The following SPOCK3 variants were observed in gnomAD, a reference collection of about 807,000 sequenced individuals.
SPOCK3 encodes the protein testican-3.
A neutral mutation model predicts 56.6 loss-of-function variants in SPOCK3; 30 were observed. The ratio of observed to expected loss-of-function variants is 0.53; its 90% CI spans 0.40 to 0.72. The LOEUF (loss-of-function observed/expected upper bound fraction) is 0.72, where lower values mean the gene tolerates loss of function less well. Among genes scored for constraint, SPOCK3 ranks in the 30% least tolerant of loss-of-function variants. The pLI is 0.00. For synonymous variants in SPOCK3, 196 were observed against 183.3 expected (o/e 1.07, Z -0.56); for missense variants, 527 against 530.0 (o/e 0.99, Z 0.06).
intron 9 of SPOCK3, among the ~76,000 whole-genome samples, chr4:166,740,358 A>G (rs909211968): frequency 6.6e-6 from 1 of 151,958 alleles, no homozygotes; most frequent in Non-Finnish European, 1.5e-5. Flanking sequence ...ACCTTCAAAT[A>G]ATAAAAACCT....
intron 4 of SPOCK3, among the ~76,000 whole-genome samples, chr4:166,956,578 A>T (rs1245714942): frequency 6.6e-6 from 1 of 152,166 alleles, no homozygotes; most frequent in East Asian, 1.9e-4. Flanking sequence ...ACACTTATAA[A>T]TTGTTTATTT....
At chr4:167,223,136 TATTTTATATATG>T (rs540868220) in intron 2 of SPOCK3, among the ~76,000 whole-genome samples, 16 of 116,628 alleles carry the variant, frequency 1.4e-4, no homozygotes, top group African/African-American at 5.4e-4. Flanking sequence ...TATGAATATA[TATTTTATATATG>T]AATATATATT....
intron 6 of SPOCK3, among the ~76,000 whole-genome samples, chr4:166,807,474 G>A (rs762298274): frequency 6.6e-6 from 1 of 152,106 alleles, no homozygotes; most frequent in Non-Finnish European, 1.5e-5. Flanking sequence ...TGCTATGCAT[G>A]TTGTGTTGTT....
At chr4:166,785,170 A>T (rs949987733) in intron 7 of SPOCK3, among the ~76,000 whole-genome samples, 38 of 152,242 alleles carry the variant, frequency 2.5e-4, no homozygotes, top group Non-Finnish European at 4.3e-4. Context: ...ATCGTAAAAC[A>T]TATTTTAAGA....
intron 2 of SPOCK3, among the ~76,000 whole-genome samples, chr4:167,204,274 A>T (rs1321361228): frequency 6.6e-6 from 1 of 152,084 alleles, no homozygotes; most frequent in Non-Finnish European, 1.5e-5. Flanking sequence ...ACAAAACAAC[A>T]AAGAAAAAAC....
chr4:167,076,890 C>A (rs748134902), intron 2 of SPOCK3, among the ~76,000 whole-genome samples: 1 of 151,696 alleles, frequency 6.6e-6, no homozygotes, highest in South Asian at 2.1e-4. Flanking sequence ...ACTTAGCTTG[C>A]GATTTTTACA....
chr4:167,119,318 T>C (rs1489725433), intron 2 of SPOCK3, among the ~76,000 whole-genome samples: 1 of 151,990 alleles, frequency 6.6e-6, no homozygotes, highest in Non-Finnish European at 1.5e-5. Context: ...GATCAGAGAG[T>C]AATCATATAT....
At position 167,054,703 on chromosome 4, in the gene SPOCK3, TA is replaced by T. The variant is rs76085350; in HGVS notation, c.235+7788del. ...TATTTCCCCAAAACTCTTACTGTTT[TA>T]GTGGTAAAACATAAAGAAACTGGAA... On this transcript the variant is annotated intron_variant, in intron 3 of 10. Coordinates refer to ENST00000357545, the MANE Select transcript of SPOCK3 (RefSeq NM_001040159.2). Among the ~76,000 whole-genome samples, 158 of 152,290 alleles carry T rather than the reference TA, an allele frequency of 1.0e-3. 4 individuals are homozygous for T. The East Asian group carries it at 0.029, about 28-fold the overall frequency.
intron 4 of SPOCK3, among the ~76,000 whole-genome samples, chr4:166,954,697 G>A (rs61475814): frequency 6.6e-6 from 1 of 151,960 alleles, no homozygotes; most frequent in Non-Finnish European, 1.5e-5. Context: ...CACCTTAAAA[G>A]GTATCCATTT....
chr4:167,019,757 A>G (rs1024519992), intron 3 of SPOCK3, among the ~76,000 whole-genome samples: 3 of 152,192 alleles, frequency 2.0e-5, no homozygotes, highest in Admixed American at 6.6e-5. Context: ...TCTCCTGAAC[A>G]TTTCATTTTC....
In SPOCK3 at chr4:166,850,567, C is replaced by T. The variant is rs866939300; in HGVS notation, c.589+38563G>A. On this transcript the variant is annotated intron_variant, in intron 6 of 10. Coordinates refer to ENST00000357545, the MANE Select transcript of SPOCK3 (RefSeq NM_001040159.2). ...TCCATCTGAGGTACCGGGTTCATCT[C>T]ACTAGGGAGTGCCAGACAGCGGGGG... Among the ~76,000 whole-genome samples the T allele has an allele frequency of 4.6e-5, 7 of 152,336 alleles. No homozygotes were observed. The Middle Eastern group carries it at 0.014, about 296-fold the overall frequency.
intron 2 of SPOCK3, among the ~76,000 whole-genome samples, chr4:167,170,630 G>A (rs1730421566): frequency 6.6e-6 from 1 of 152,114 alleles, no homozygotes; most frequent in Non-Finnish European, 1.5e-5. Flanking sequence ...GCTGGAAAGT[G>A]GCAGAACTTA....
chr4:166,926,317 TTAGGAG>T (rs1179114198), intron 4 of SPOCK3, among the ~76,000 whole-genome samples: 1 of 152,148 alleles, frequency 6.6e-6, no homozygotes, highest in African/African-American at 2.4e-5. Context: ...CTATGGGCTC[TTAGGAG>T]TAGGTCAGCA....
chr4:167,116,467 C>T (rs1360990487), intron 2 of SPOCK3, among the ~76,000 whole-genome samples: 16 of 109,138 alleles, frequency 1.5e-4, no homozygotes, highest in Admixed American at 1.3e-3. Context: ...TATATATACA[C>T]ACTTTTGTAT....
At chr4:166,843,445 C>T (rs549564803) in intron 6 of SPOCK3, among the ~76,000 whole-genome samples, 22 of 152,320 alleles carry the variant, frequency 1.4e-4, no homozygotes, top group East Asian at 1.9e-4. Flanking sequence ...GACATCAGTA[C>T]GTTTGGACCT....
intron 7 of SPOCK3, 63 bp downstream of exon 7, chr4:166,792,107 G>A: frequency 1.9e-6 from 3 of 1,579,336 alleles, no homozygotes; most frequent in African/African-American, 1.3e-5. Flanking sequence ...TGTTCTAAGT[G>A]GTTCATTGGA....
intron 4 of SPOCK3, among the ~76,000 whole-genome samples, chr4:166,937,794 G>A (rs1437337718): frequency 4.4e-5 from 6 of 137,400 alleles, no homozygotes; most frequent in Non-Finnish European, 9.2e-5. Context: ...GTGTCACTCT[G>A]TCGCCCAGGC....
At chr4:166,886,544 G>C (rs1217296829) in intron 6 of SPOCK3, among the ~76,000 whole-genome samples, 1 of 152,002 alleles carries the variant, frequency 6.6e-6, no homozygotes, top group Non-Finnish European at 1.5e-5. Flanking sequence ...AAGTACATTA[G>C]AGAAATAGAG....
chr4:166,795,262 A>T (rs1180956085), intron 6 of SPOCK3, among the ~76,000 whole-genome samples: 1 of 152,188 alleles, frequency 6.6e-6, no homozygotes, highest in Non-Finnish European at 1.5e-5. Flanking sequence ...TTTCAAATTA[A>T]CATCTTTTCC....
Sources: gnomAD v4.1 joint callset for allele counts (sites outside exome capture counted in the v4.1 genomes callset) on GRCh38, gnomAD v4.1.1 for gene constraint, MANE v1.5 for transcripts, NCBI Gene and HGNC (gene_info 2026-07-23, HGNC 2026-07-21) for gene names.